Variants in LMO7 observed in about 807,000 individuals in gnomAD.
The protein encoded by LMO7 is LIM domain 7.
A neutral mutation model predicts 206.5 loss-of-function variants in LMO7; 120 were observed. The observed-to-expected ratio is 0.58, with a 90% CI of 0.50 to 0.68. The LOEUF is 0.68. Ranked by LOEUF, LMO7 falls within the 30% of genes least tolerant of loss-of-function variation. The pLI is 0.00. For missense variants in LMO7, 1,959 were observed against 1,957.9 expected, an observed-to-expected ratio of 1.00 and a Z score of -0.01; for synonymous variants, 706 against 681.5, an observed-to-expected ratio of 1.04 and a Z score of -0.56.
intron 1 of LMO7, among the ~76,000 whole-genome samples, chr13:75,711,400 T>C (rs1159219792): frequency 6.6e-6 from 1 of 152,186 alleles, no homozygotes. Flanking sequence ...GTACCTCTGG[T>C]AGTATTTGGC....
intron 2 of LMO7, among the ~76,000 whole-genome samples, chr13:75,720,507 G>T (rs1005147909): frequency 2.0e-5 from 3 of 152,154 alleles, no homozygotes; most frequent in Non-Finnish European, 4.4e-5. Context: ...GTTCATTGTT[G>T]AGAAGGGTGT....
At chr13:75,691,502 A>G (rs931682868) in intron 1 of LMO7, among the ~76,000 whole-genome samples, 2 of 152,142 alleles carry the variant, frequency 1.3e-5, no homozygotes, top group Non-Finnish European at 2.9e-5. Flanking sequence ...CTGAACACTC[A>G]GGCTCCCTGT....
At chr13:75,752,944 T>C (rs2047389053) in intron 3 of LMO7, among the ~76,000 whole-genome samples, 1 of 152,226 alleles carries the variant, frequency 6.6e-6, no homozygotes, top group Non-Finnish European at 1.5e-5. Context: ...CTTGGGTAGA[T>C]GTCAAGTAGT....
intron 2 of LMO7, among the ~76,000 whole-genome samples, chr13:75,630,926 G>A (rs766925587): frequency 3.3e-5 from 5 of 152,144 alleles, no homozygotes; most frequent in Non-Finnish European, 5.9e-5. Context: ...AAAGTGCTGG[G>A]ATTACAGGCG....
At chr13:75,638,218 C>T (rs2036162869) in intron 1 of LMO7, among the ~76,000 whole-genome samples, 1 of 152,038 alleles carries the variant, frequency 6.6e-6, no homozygotes, top group South Asian at 2.1e-4. Flanking sequence ...CATCTGCGTG[C>T]TTTGTATTTG....
chr13:75,818,535 T>G (rs1448156941), intron 12 of LMO7, among the ~76,000 whole-genome samples: 1 of 148,544 alleles, frequency 6.7e-6, no homozygotes, highest in African/African-American at 2.4e-5. Context: ...AGAACCAGCC[T>G]AGGTTTCTGG....
Position 75,723,499 on chromosome 13 carries a change from C to T in LMO7, c.141-3530C>T, listed in dbSNP as rs185850982. Among the ~76,000 whole-genome samples the T allele has an allele frequency of 3.3e-5, 5 of 152,254 alleles. No individual in the cohort carries two copies. The East Asian group carries it at 9.6e-4, about 29-fold the overall frequency. ...TTTTGTACCTCAGCTGAAAAGCTTT[C>T]TGATAAAGGGAAAAATGAGATTTGG... is the stretch of plus-strand genomic sequence containing the variant. On this transcript the variant is annotated intron_variant, in intron 2 of 30. Transcript: ENST00000377534.
intron 3 of LMO7, among the ~76,000 whole-genome samples, chr13:75,756,857 G>A (rs2047717332): frequency 6.6e-6 from 1 of 152,180 alleles, no homozygotes; most frequent in Admixed American, 6.5e-5. Context: ...GTAAAGGGAT[G>A]AATATTTTGG....
chr13:75,743,496 A>G (rs1924214), intron 3 of LMO7, among the ~76,000 whole-genome samples: 70,425 of 152,118 alleles, frequency 0.46, 16,978 homozygotes, highest in East Asian at 0.61. Context: ...TGGTACATAT[A>G]TAGCATAGAA....
At chr13:75,680,620 G>A (rs1250377334) in intron 1 of LMO7, among the ~76,000 whole-genome samples, 1 of 150,874 alleles carries the variant, frequency 6.6e-6, no homozygotes, top group East Asian at 1.9e-4. Context: ...TGTGCAGAAC[G>A]TGCAGTTTTA....
chr13:75,778,530 C>A (rs533258360), intron 4 of LMO7, among the ~76,000 whole-genome samples: 2 of 152,370 alleles, frequency 1.3e-5, no homozygotes, highest in East Asian at 3.9e-4. Context: ...CTGCGCCCGG[C>A]CAATCGAGTG....
intron 3 of LMO7, among the ~76,000 whole-genome samples, chr13:75,759,980 C>A (rs1333025408): frequency 6.6e-6 from 1 of 151,984 alleles, no homozygotes; most frequent in South Asian, 2.1e-4. Flanking sequence ...CCTTTACCAG[C>A]GAACTGTAAC....
chr13:75,776,162 G>GAGATATATAT (rs2050384687), intron 4 of LMO7, among the ~76,000 whole-genome samples: 1 of 36,854 alleles, frequency 2.7e-5, no homozygotes, highest in East Asian at 1.2e-3. Context: ...ATATATATCG[G>GAGATATATAT]ATATATATAT....
At chr13:75,838,453 T>TAA (rs35202291) in intron 20 of LMO7, 509 of 205,932 alleles carry the variant, frequency 2.5e-3, no homozygotes, top group South Asian at 5.3e-3. Context: ...TTTAACTTTG[T>TAA]AAAAAAAAAA....
chr13:75,703,998 C>T (rs946069802), intron 1 of LMO7, among the ~76,000 whole-genome samples: 15 of 152,020 alleles, frequency 9.9e-5, no homozygotes, highest in Non-Finnish European at 2.2e-4. Context: ...ATGTGGACAT[C>T]TTATGGAATT....
intron 3 of LMO7, among the ~76,000 whole-genome samples, chr13:75,756,955 C>T (rs939689360): frequency 6.6e-6 from 1 of 152,114 alleles, no homozygotes; most frequent in Non-Finnish European, 1.5e-5. Flanking sequence ...AGTAGACAGT[C>T]CCCCAGAAAG....
rs1179165773 is a variant in LMO7, at chr13:75,760,802, TG to T, written c.211-127del. On this transcript the variant is annotated intron_variant, in intron 3 of 30. Coordinates refer to ENST00000377534, the MANE Select transcript of LMO7 (RefSeq NM_001306080.2). ...ATTTTTTTTCAAATATACATATGCA[TG>T]GGTCTTGCTGCTGCCTCTTTTGCTG... 1.9e-6 allele frequency: 3 copies of T among 1,547,028 alleles called. No homozygotes were observed. In the Admixed American group the frequency reaches 5.9e-5, roughly 30 times the overall value.
chr13:75,724,731 A>G (rs1458372702), intron 2 of LMO7, among the ~76,000 whole-genome samples: 1 of 152,144 alleles, frequency 6.6e-6, no homozygotes, highest in Non-Finnish European at 1.5e-5. Context: ...TTATATGAAA[A>G]TAATTTTTGA....
At position 75,834,347 on chromosome 13, in the gene LMO7, T is replaced by C; in HGVS notation, c.3186T>C (p.Thr1062=). ...AAGCCATGGCTAAGGCTCAAGAAAC[T>C]GGACACCTAGTGATGGATGTGAGGC... ...WEEAMAKAQE[T]GHLVMDVRRY... The change falls in exon 17 of 31, where the codon ACT becomes ACC. Residue 1062 remains threonine, a synonymous_variant. Coordinates refer to ENST00000377534, the MANE Select transcript of LMO7 (RefSeq NM_001306080.2). The C allele has an allele frequency of 6.2e-7, 1 of 1,609,722 alleles. No homozygotes were observed. Among genetic ancestry groups the C allele is most frequent in the Non-Finnish European group, 8.5e-7 (1 of 1,177,972 alleles).
Sources: gnomAD v4.1 joint callset for allele counts (sites outside exome capture counted in the v4.1 genomes callset) on GRCh38, gnomAD v4.1.1 for gene constraint, MANE v1.5 for transcripts, NCBI Gene and HGNC (gene_info 2026-07-23, HGNC 2026-07-21) for gene names.